The following ABCC4 variants were observed in gnomAD, a reference collection of about 807,000 sequenced individuals.
ABCC4 encodes the protein ATP-binding cassette sub-family C member 4.
A neutral mutation model predicts 168.5 loss-of-function variants in ABCC4; 102 were observed. The observed-to-expected ratio is 0.61, with a 90% CI of 0.52 to 0.71. ABCC4 has a LOEUF of 0.71. Ranked by LOEUF, ABCC4 falls within the 30% of genes least tolerant of loss-of-function variation. The probability of loss-of-function intolerance (pLI) is 0.00; values close to 1 mark genes in which losing one functional copy is unlikely to be tolerated. For synonymous variants in ABCC4, 617 were observed against 590.7 expected (o/e 1.04, Z -0.65); for missense variants, 1,402 against 1,605.8 (o/e 0.87, Z 2.17).
intron 1 of ABCC4, among the ~76,000 whole-genome samples, chr13:95,289,828 G>A (rs1195901374): frequency 2.0e-5 from 3 of 152,170 alleles, no homozygotes; most frequent in Non-Finnish European, 4.4e-5. Flanking sequence ...GGGGCGCGGT[G>A]GCTCACACCT....
chr13:95,142,171 G>A lies in ABCC4; in HGVS notation c.2455+19018C>T, dbSNP rs146389326. ...CAGCACAATTTGCAATTGCAAAAAT[G>A]TGGAACCAACCCAAATGCCCATCAA... On this transcript the variant is annotated intron_variant, in intron 19 of 30. Coordinates refer to ENST00000645237, the MANE Select transcript of ABCC4 (RefSeq NM_005845.5). 3.9e-4 allele frequency among the ~76,000 whole-genome samples: 60 copies of A among 152,294 alleles called. No individual in the cohort carries two copies. The Middle Eastern group carries it at 0.01, about 26-fold the overall frequency.
chr13:95,099,121 T>A (rs2034710005), intron 20 of ABCC4, among the ~76,000 whole-genome samples: 1 of 152,032 alleles, frequency 6.6e-6, no homozygotes, highest in South Asian at 2.1e-4. Flanking sequence ...CAAATACCCA[T>A]CAATCAGAGA....
At chr13:95,075,872 T>A (rs1212496354) in intron 21 of ABCC4, among the ~76,000 whole-genome samples, 1 of 152,132 alleles carries the variant, frequency 6.6e-6, no homozygotes, top group East Asian at 1.9e-4. Flanking sequence ...TTCCCTGACA[T>A]CTCTTTGGGC....
chr13:95,073,254 TG>T lies in ABCC4; in HGVS notation c.2967del (p.Met990TrpfsTer17). 1 of 1,613,998 alleles carries T rather than the reference TG, an allele frequency of 6.2e-7. No homozygotes were observed. Among genetic ancestry groups the T allele is most frequent in the Non-Finnish European group, 8.5e-7 (1 of 1,179,948 alleles). On this transcript the variant is annotated frameshift_variant, in exon 24 of 31. Transcript: ENST00000645237. LOFTEE classifies it high-confidence loss of function. ...VGLALSYALTLMGMFQWCVRQ... is the reference protein window; with the variant it reads ...VGLALSYALTXMGMFQWCVRQ... Reference sequence around the variant, plus strand: ...CGAACACACCACTGAAACATCCCCATGAGCGTGAGGGCATAGGACAGTGCCA... The same window carrying T: ...CGAACACACCACTGAAACATCCCCATAGCGTGAGGGCATAGGACAGTGCCA...
chr13:95,100,277 T>C (rs1022169478), intron 20 of ABCC4, among the ~76,000 whole-genome samples: 5 of 152,198 alleles, frequency 3.3e-5, no homozygotes. Context: ...TTTTTTTCTT[T>C]AGGTCTTAAT....
intron 26 of ABCC4, among the ~76,000 whole-genome samples, chr13:95,056,582 T>C (rs912058226): frequency 4.6e-5 from 7 of 151,922 alleles, no homozygotes; most frequent in East Asian, 1.9e-4. Context: ...CAGAATCCAA[T>C]TGTATTTCTT....
At position 95,134,925 on chromosome 13, in the gene ABCC4, T is replaced by C. The variant is rs148059927; in HGVS notation, c.2456-18924A>G. ...GCAACTGATCTGATTAAGTCTGAAC[T>C]TGGGGGGAAAAACAGACCCTAAATT... On this transcript the variant is annotated intron_variant, in intron 19 of 30. Transcript: ENST00000645237. Among the ~76,000 whole-genome samples, 522 of 152,150 alleles carry C rather than the reference T, an allele frequency of 3.4e-3. 4 individuals are homozygous for C. Among genetic ancestry groups the C allele is most frequent in the African/African-American group, 0.012 (502 of 41,510 alleles).
chr13:95,107,827 T>C (rs1201269263), intron 20 of ABCC4, among the ~76,000 whole-genome samples: 3 of 152,048 alleles, frequency 2.0e-5, no homozygotes, highest in Non-Finnish European at 2.9e-5. Flanking sequence ...TCCCAGCCAC[T>C]GTGGAGGAGT....
chr13:95,064,534 G>T (rs1002943818), intron 25 of ABCC4, among the ~76,000 whole-genome samples: 9 of 145,540 alleles, frequency 6.2e-5, no homozygotes, highest in South Asian at 2.2e-4. Flanking sequence ...TGTGTGTGTG[G>T]GGCTTATGTG....
intron 20 of ABCC4, among the ~76,000 whole-genome samples, chr13:95,102,578 C>T (rs917895655): frequency 6.6e-6 from 1 of 151,958 alleles, no homozygotes; most frequent in Non-Finnish European, 1.5e-5. Context: ...ACCACCACAC[C>T]TGGCCCCTAC....
At position 95,020,459 on chromosome 13, in the gene ABCC4, A is replaced by G. The variant is rs967308909; in HGVS notation, c.*1116T>C. On this transcript the variant is annotated 3_prime_UTR_variant, in exon 31 of 31. Coordinates refer to ENST00000645237, the MANE Select transcript of ABCC4 (RefSeq NM_005845.5). ...CAAATAAAGTACAAAAGGTCCCAGG[A>G]AGTATTGTGGTTTGTTGATTCATTC... 3 of 152,502 alleles carry G rather than the reference A, an allele frequency of 2.0e-5. No individual in the cohort carries two copies. The highest frequency in any genetic ancestry group is 7.2e-5 in the African/African-American group (3 of 41,456). 9.4% of individuals were successfully genotyped at this position (152,502 alleles called of 1,614,324 possible). A position where few individuals can be genotyped will look rare whatever the true frequency, so the allele number is the denominator to read the frequency against.
chr13:95,150,361 A>G (rs2036634403), intron 19 of ABCC4, among the ~76,000 whole-genome samples: 1 of 152,226 alleles, frequency 6.6e-6, no homozygotes, highest in East Asian at 1.9e-4. Flanking sequence ...GTGCTGGAAC[A>G]TTTGCCTATG....
rs908409936 is a variant in ABCC4 at position 95,247,823 on chromosome 13, T to C, written c.75-70A>G. ...GTGTTTAAGTAGACTCCTACCTCCA[T>C]GGGTTTTGCTTAAACTTACCTTTAA... On this transcript the variant is annotated intron_variant, in intron 1 of 30. Transcript: ENST00000645237. The C allele has an allele frequency of 3.4e-5, 42 of 1,233,750 alleles. No individual in the cohort carries two copies. The African/African-American group carries it at 4.6e-4, about 14-fold the overall frequency. 76.4% of individuals were successfully genotyped at this position (1,233,750 alleles called of 1,614,324 possible).
Position 95,029,263 on chromosome 13 carries a change from G to T in ABCC4, c.3870+5342C>A, listed in dbSNP as rs1401820294. Among the ~76,000 whole-genome samples, 4 of 31,738 alleles carry T rather than the reference G, an allele frequency of 1.3e-4. 1 individual carries two copies. Among genetic ancestry groups the T allele is most frequent in the African/African-American group, 3.8e-4 (4 of 10,432 alleles). 20.8% of individuals were successfully genotyped at this position (31,738 alleles called of 152,430 possible). On this transcript the variant is annotated intron_variant, in intron 30 of 30. Coordinates refer to ENST00000645237, the MANE Select transcript of ABCC4 (RefSeq NM_005845.5). ...AGAGAGAGAGAGAGAGAAAGAGAGA[G>T]AGAGAGAGAGAGAGAACGCTAATAA...
chr13:95,218,250 T>C (rs1174210362), intron 4 of ABCC4, among the ~76,000 whole-genome samples: 1 of 152,054 alleles, frequency 6.6e-6, no homozygotes, highest in African/African-American at 2.4e-5. Context: ...TTGGCCAGAG[T>C]TGCTTAGTAA....
chr13:95,240,580 G>A (rs1017578354), intron 3 of ABCC4, among the ~76,000 whole-genome samples: 4 of 151,712 alleles, frequency 2.6e-5, no homozygotes, highest in Non-Finnish European at 5.9e-5. Flanking sequence ...CTTCAGAGGG[G>A]GCAGTGAGCA....
At chr13:95,226,472 T>C (rs1416553575) in intron 4 of ABCC4, among the ~76,000 whole-genome samples, 1 of 152,116 alleles carries the variant, frequency 6.6e-6, no homozygotes, top group African/African-American at 2.4e-5. Context: ...TAAATGGCCA[T>C]CTAATCTACA....
At chr13:95,247,206 T>C in intron 2 of ABCC4, 111 bp from the exon 3 acceptor site, 1 of 1,234,372 alleles carries the variant, frequency 8.1e-7, no homozygotes, top group Non-Finnish European at 1.1e-6. Context: ...TTGTGACGAT[T>C]TCATAAATGC....
rs183470029 is a variant in ABCC4 at position 95,152,556 on chromosome 13, C to T, written c.2455+8633G>A. Among the ~76,000 whole-genome samples the T allele has an allele frequency of 2.2e-4, 34 of 152,198 alleles. No individual in the cohort carries two copies. In the Middle Eastern group the frequency reaches 0.01, roughly 46 times the overall value. Reference sequence around the variant, plus strand: ...TAACATAAGACAAGGGTGGTAAATACGTAATTACCTAAATTAGAATGTAAC... The same window carrying T: ...TAACATAAGACAAGGGTGGTAAATATGTAATTACCTAAATTAGAATGTAAC... On this transcript the variant is annotated intron_variant, in intron 19 of 30. Transcript: ENST00000645237.
Sources: allele counts gnomAD v4.1 joint callset (sites outside exome capture counted in the v4.1 genomes callset), GRCh38; gene constraint gnomAD v4.1.1; transcripts MANE v1.5; gene names NCBI Gene and HGNC (gene_info 2026-07-23, HGNC 2026-07-21).